ZNF26: variants seen among roughly 807,000 people sequenced by gnomAD.
ZNF26 encodes zinc finger protein 26.
ZNF26 carries 32 observed loss-of-function variants against 54.9 expected under a neutral mutation model. The ratio of observed to expected loss-of-function variants is 0.58; its 90% CI spans 0.44 to 0.78. The LOEUF (loss-of-function observed/expected upper bound fraction) is 0.78. Among genes scored for constraint, ZNF26 ranks in the 30% least tolerant of loss-of-function variants. The pLI, the probability that ZNF26 is intolerant of heterozygous loss-of-function variation, is 0.00. For synonymous variants in ZNF26, 221 were observed against 209.2 expected, an observed-to-expected ratio of 1.06 and a Z score of -0.49; for missense variants, 524 against 634.0, an observed-to-expected ratio of 0.83 and a Z score of 1.86.
intron 1 of ZNF26, among the ~76,000 whole-genome samples, chr12:132,996,394 C>G (rs1953085003): frequency 6.6e-6 from 1 of 152,226 alleles, no homozygotes; most frequent in African/African-American, 2.4e-5. Flanking sequence ...GCTCTTTTCT[C>G]TCGCAATTTT....
chr12:132,988,219 G>A (rs1303878575), intron 1 of ZNF26, among the ~76,000 whole-genome samples: 1 of 151,182 alleles, frequency 6.6e-6, no homozygotes, highest in Non-Finnish European at 1.5e-5. Context: ...ATGTTGCCCA[G>A]GCTGGTCTTT....
rs1953661027 is a variant in ZNF26 at position 133,022,865 on chromosome 12, A to G, written c.*11384A>G. ...ACATCTTTGTTAAAGGCCAAGATAA[A>G]GCAAAATGGAGTTATATATTGTTTA... On this transcript the variant is annotated 3_prime_UTR_variant, in exon 4 of 4. Transcript: ENST00000328654. 6.6e-6 allele frequency: 1 copy of G among 152,222 alleles called. No homozygotes were observed. The highest frequency in any genetic ancestry group is 1.5e-5 in the Non-Finnish European group (1 of 68,038). The allele number at this position is 152,222 out of a possible 1,614,324, so 9.4% of individuals were successfully genotyped here.
rs1014668708 is a variant in ZNF26, at chr12:133,010,469, C to T, written c.590C>T (p.Thr197Ile). The change falls in exon 4 of 4, where the codon ACA becomes ATA. Residue 197 changes from threonine (T) to isoleucine (I), a missense_variant. Transcript: ENST00000328654. ...SQLIVHLRIH[T>I]GERPYECSKC... ...CTCATTGTACATCTCAGAATTCATA[C>T]AGGAGAGAGACCTTATGAATGCAGT... 21 of 1,614,054 alleles carry T rather than the reference C, an allele frequency of 1.3e-5. No individual in the cohort carries two copies. Among genetic ancestry groups the T allele is most frequent in the Non-Finnish European group, 1.5e-5 (18 of 1,179,996 alleles).
chr12:133,004,252 C>G (rs1953279369), intron 1 of ZNF26, among the ~76,000 whole-genome samples: 1 of 152,288 alleles, frequency 6.6e-6, no homozygotes, highest in East Asian at 1.9e-4. Flanking sequence ...CCCTTTAAAA[C>G]AAAGTCTAAA....
At chr12:133,000,098 A>C (rs1953177667) in intron 1 of ZNF26, among the ~76,000 whole-genome samples, 1 of 152,028 alleles carries the variant, frequency 6.6e-6, no homozygotes, top group African/African-American at 2.4e-5. Context: ...TTACAGTAGA[A>C]CTGTTTATCA....
rs1419797417 is a variant in ZNF26 at position 133,019,602 on chromosome 12, T to TC, written c.*8122dup. 6.6e-6 allele frequency: 1 copy of TC among 152,180 alleles called. No homozygotes were observed. The highest frequency in any genetic ancestry group is 1.5e-5 in the Non-Finnish European group (1 of 68,064). 9.4% of individuals were successfully genotyped at this position (152,180 alleles called of 1,614,324 possible). A position where few individuals can be genotyped will look rare whatever the true frequency, so the allele number is the denominator to read the frequency against. On this transcript the variant is annotated 3_prime_UTR_variant, in exon 4 of 4. Coordinates refer to ENST00000328654, the MANE Select transcript of ZNF26 (RefSeq NM_019591.4). ...TGAGGATATGGAGGAAGGACAGCCC[T>TC]CGTACACTGTTGGTGGGAGTGGAAA...
chr12:132,986,407 C>G lies in ZNF26; in HGVS notation c.-434C>G. 1 of 173,828 alleles carries G rather than the reference C, an allele frequency of 5.8e-6. No homozygotes were observed. Among genetic ancestry groups the G allele is most frequent in the Non-Finnish European group, 1.2e-5 (1 of 81,776 alleles). 10.8% of individuals were successfully genotyped at this position (173,828 alleles called of 1,614,324 possible). On this transcript the variant is annotated 5_prime_UTR_variant, in exon 1 of 4. Transcript: ENST00000328654. The stretch of plus-strand genomic sequence containing the variant: ...CGGGTGCGCGCGTGCAGGGCTGTTT[C>G]CGGCTTAGACTCAGTGGACCGGAAT...
Position 133,011,660 on chromosome 12 carries a change from A to T in ZNF26, c.*179A>T. 1 of 484,516 alleles carries T rather than the reference A, an allele frequency of 2.1e-6. No homozygotes were observed. Among genetic ancestry groups the T allele is most frequent in the Non-Finnish European group, 3.5e-6 (1 of 289,214 alleles). The allele number at this position is 484,516 out of a possible 1,614,324, so 30.0% of individuals were successfully genotyped here. On this transcript the variant is annotated 3_prime_UTR_variant, in exon 4 of 4. Coordinates refer to ENST00000328654, the MANE Select transcript of ZNF26 (RefSeq NM_019591.4). The stretch of plus-strand genomic sequence containing the variant: ...AGAAATAAGTTACAAATCTTTGTAG[A>T]TGAAAATAATGGAAGGAATGTGGAG...
At position 133,024,013 on chromosome 12, in the gene ZNF26, C is replaced by T; in HGVS notation, c.*12532C>T. Reference sequence around the variant, plus strand: ...TGAGAAATTCTGACCCAGAACGGCTCAGTCAGACCTCTCCTGAATCCCTGA... The same window carrying T: ...TGAGAAATTCTGACCCAGAACGGCTTAGTCAGACCTCTCCTGAATCCCTGA... On this transcript the variant is annotated 3_prime_UTR_variant, in exon 4 of 4. Transcript: ENST00000328654. The T allele has an allele frequency of 6.6e-6, 1 of 152,208 alleles. No individual in the cohort carries two copies. The highest frequency in any genetic ancestry group is 1.5e-5 in the Non-Finnish European group (1 of 68,048). The allele number at this position is 152,208 out of a possible 1,614,324, so 9.4% of individuals were successfully genotyped here.
intron 1 of ZNF26, chr12:132,987,782 T>A (rs1209101259): frequency 3.1e-6 from 3 of 967,326 alleles, no homozygotes; most frequent in African/African-American, 1.8e-5. Flanking sequence ...AGGACTCAGG[T>A]TAATGAAAGG....
intron 1 of ZNF26, among the ~76,000 whole-genome samples, chr12:132,993,985 T>C (rs886730607): frequency 7.2e-5 from 11 of 152,052 alleles, no homozygotes; most frequent in African/African-American, 2.2e-4. Context: ...CCACCCCATC[T>C]CTTAGATGGG....
intron 1 of ZNF26, among the ~76,000 whole-genome samples, chr12:132,994,781 A>G (rs1481507610): frequency 6.6e-6 from 1 of 152,206 alleles, no homozygotes; most frequent in Non-Finnish European, 1.5e-5. Context: ...ATCAACTATC[A>G]TTTCTGTTAG....
chr12:132,993,393 T>G (rs1593637680), intron 1 of ZNF26, among the ~76,000 whole-genome samples: 1 of 152,116 alleles, frequency 6.6e-6, no homozygotes, highest in African/African-American at 2.4e-5. Flanking sequence ...CATGGTTGTT[T>G]TAAGTTTTGT....
intron 1 of ZNF26, among the ~76,000 whole-genome samples, chr12:132,996,210 A>G (rs1953079124): frequency 6.6e-6 from 1 of 152,126 alleles, no homozygotes; most frequent in African/African-American, 2.4e-5. Context: ...CCAGCACTCA[A>G]CAGATGTCCC....
At chr12:132,994,072 G>A (rs1386430219) in intron 1 of ZNF26, among the ~76,000 whole-genome samples, 1 of 152,126 alleles carries the variant, frequency 6.6e-6, no homozygotes, top group Admixed American at 6.5e-5. Context: ...TTAGGCTCTG[G>A]GAACCTGGTT....
intron 1 of ZNF26, chr12:132,995,198 A>T (rs1309531058): frequency 2.6e-5 from 4 of 152,592 alleles, no homozygotes; most frequent in African/African-American, 9.7e-5. Context: ...ACTTTTCAAA[A>T]AATTGCACCA....
In ZNF26 at chr12:133,017,314, A is replaced by G. The variant is rs942930550; in HGVS notation, c.*5833A>G. The G allele has an allele frequency of 3.9e-5, 6 of 152,314 alleles. No homozygotes were observed. In the East Asian group the frequency reaches 5.8e-4, roughly 15 times the overall value. The allele number at this position is 152,314 out of a possible 1,614,324, so 9.4% of individuals were successfully genotyped here. On this transcript the variant is annotated 3_prime_UTR_variant, in exon 4 of 4. Transcript: ENST00000328654. Reference sequence around the variant, plus strand: ...TCAGTGGTGGTCCCATGACTGATCTATTGGTCACACCTTATGCTTACCCCA... The same window carrying G: ...TCAGTGGTGGTCCCATGACTGATCTGTTGGTCACACCTTATGCTTACCCCA...
chr12:133,007,830 G>A (rs1953365428), intron 3 of ZNF26, among the ~76,000 whole-genome samples: 1 of 152,080 alleles, frequency 6.6e-6, no homozygotes, highest in African/African-American at 2.4e-5. Context: ...GTTTTATTGG[G>A]CATCGAGACC....
At chr12:132,997,087 A>G (rs12099753) in intron 1 of ZNF26, among the ~76,000 whole-genome samples, 2,491 of 152,326 alleles carry the variant, frequency 0.016, 76 homozygotes, top group African/African-American at 0.056. Context: ...GTTGAAGTAC[A>G]GTTACATCAA....
Sources: allele counts gnomAD v4.1 joint callset (sites outside exome capture counted in the v4.1 genomes callset), GRCh38; gene constraint gnomAD v4.1.1; transcripts MANE v1.5; gene names NCBI Gene and HGNC (gene_info 2026-07-23, HGNC 2026-07-21).